The following GLRB variants were observed in gnomAD, a reference collection of about 807,000 sequenced individuals.
GLRB encodes the protein glycine receptor subunit beta.
In GLRB, 33 loss-of-function variants were observed where a neutral mutation model predicts 54.2. That is an observed-to-expected ratio of 0.61 (90% CI 0.46 to 0.81). The LOEUF (loss-of-function observed/expected upper bound fraction) is 0.81, where lower values mean the gene tolerates loss of function less well. Among genes scored for constraint, GLRB ranks in the 40% least tolerant of loss-of-function variants. The pLI is 0.00. For missense variants in GLRB, 572 were observed against 584.6 expected, an observed-to-expected ratio of 0.98 and a Z score of 0.22; for synonymous variants, 209 against 208.2, an observed-to-expected ratio of 1.00 and a Z score of -0.03.
At chr4:157,140,620 C>T (rs994068825) in intron 7 of GLRB, among the ~76,000 whole-genome samples, 1 of 151,908 alleles carries the variant, frequency 6.6e-6, no homozygotes, top group Admixed American at 6.6e-5. Context: ...TTATTATCCT[C>T]ATTGTACACA....
chr4:157,151,611 G>C (rs1283659759), intron 8 of GLRB, among the ~76,000 whole-genome samples: 2 of 151,908 alleles, frequency 1.3e-5, no homozygotes, highest in Admixed American at 1.3e-4. Context: ...TTAGGTTCTT[G>C]AATGCAAAAA....
intron 6 of GLRB, 49 bp downstream of exon 6, chr4:157,136,935 G>C (rs771827425): frequency 8.9e-7 from 1 of 1,121,176 alleles, no homozygotes; most frequent in African/African-American, 1.5e-5. Flanking sequence ...TGTTTAAAAT[G>C]TCTGGGTAAT....
Position 157,118,311 on chromosome 4 carries a change from T to A in GLRB, c.123-2245T>A, listed in dbSNP as rs75769747. On this transcript the variant is annotated intron_variant, in intron 2 of 9. Transcript: ENST00000264428. ...GTAATCAATCAATTCTTTTACTTCC[T>A]TTGAATGAGAAAACTTGTAGATAGG... Among the ~76,000 whole-genome samples the A allele has an allele frequency of 6.1e-3, 931 of 151,826 alleles. 20 individuals are homozygous for A. The East Asian group carries it at 0.1, about 16-fold the overall frequency.
Position 157,171,509 on chromosome 4 carries a change from A to G in GLRB, c.*781A>G, listed in dbSNP as rs555084004. On this transcript the variant is annotated 3_prime_UTR_variant, in exon 10 of 10. Transcript: ENST00000264428. Reference sequence around the variant, plus strand: ...TCATGGATTTCATTTGTTGGTACATATTACACAAAACATTGTGCCTTAAAA... The same window carrying G: ...TCATGGATTTCATTTGTTGGTACATGTTACACAAAACATTGTGCCTTAAAA... 3.9e-5 allele frequency: 6 copies of G among 152,490 alleles called. No individual in the cohort carries two copies. Among genetic ancestry groups the G allele is most frequent in the Admixed American group, 3.9e-4 (6 of 15,266 alleles). 9.4% of individuals were successfully genotyped at this position (152,490 alleles called of 1,614,324 possible).
chr4:157,082,207 C>T (rs2126422197), intron 2 of GLRB, among the ~76,000 whole-genome samples: 1 of 152,282 alleles, frequency 6.6e-6, no homozygotes, highest in Admixed American at 6.5e-5. Flanking sequence ...TTCATAATGA[C>T]CTCAAACTTA....
At chr4:157,116,520 A>T (rs547368342) in intron 2 of GLRB, among the ~76,000 whole-genome samples, 6 of 151,498 alleles carry the variant, frequency 4.0e-5, no homozygotes, top group Admixed American at 3.3e-4. Flanking sequence ...CTCCTTTTTC[A>T]TGTTTATTTT....
intron 2 of GLRB, among the ~76,000 whole-genome samples, chr4:157,105,317 G>A (rs1735183144): frequency 6.6e-6 from 1 of 151,794 alleles, no homozygotes; most frequent in Non-Finnish European, 1.5e-5. Context: ...ATTTCAACAT[G>A]TGTCAACTTT....
chr4:157,155,602 A>T (rs949144067), intron 9 of GLRB, among the ~76,000 whole-genome samples: 1 of 152,158 alleles, frequency 6.6e-6, no homozygotes, highest in African/African-American at 2.4e-5. Context: ...CCTAAAAAGT[A>T]TTGTGTTCAC....
chr4:157,170,118 T>C (rs1737861973), intron 9 of GLRB, among the ~76,000 whole-genome samples: 1 of 152,138 alleles, frequency 6.6e-6, no homozygotes, highest in Non-Finnish European at 1.5e-5. Context: ...GATGTTTATT[T>C]ATTAGTCCTA....
intron 2 of GLRB, among the ~76,000 whole-genome samples, chr4:157,112,323 A>G (rs958004887): frequency 6.6e-6 from 1 of 151,742 alleles, no homozygotes; most frequent in Non-Finnish European, 1.5e-5. Context: ...CATTTTTTTT[A>G]TATCAGAATA....
intron 2 of GLRB, among the ~76,000 whole-genome samples, chr4:157,090,496 A>T (rs1342311645): frequency 6.6e-6 from 1 of 152,180 alleles, no homozygotes; most frequent in African/African-American, 2.4e-5. Context: ...GCAGACATAA[A>T]ATTGAAAAAG....
Position 157,163,521 on chromosome 4 carries a change from C to T in GLRB, c.1198-6911C>T, listed in dbSNP as rs74470417. ...ACCTCTTGGACATTGCTGGCATGTC[C>T]GTTGGGGTGGGGTGGGAGCACATTT... On this transcript the variant is annotated intron_variant, in intron 9 of 9. Transcript: ENST00000264428. Among the ~76,000 whole-genome samples, 115 of 152,164 alleles carry T rather than the reference C, an allele frequency of 7.6e-4. 2 individuals carry two copies. In the East Asian group the frequency reaches 0.014, roughly 18 times the overall value.
chr4:157,077,160 A>T (rs1275799044), intron 1 of GLRB, among the ~76,000 whole-genome samples: 2 of 152,154 alleles, frequency 1.3e-5, no homozygotes, highest in African/African-American at 4.8e-5. Flanking sequence ...GTGTAGGTAG[A>T]GGCTTAATTA....
intron 9 of GLRB, among the ~76,000 whole-genome samples, chr4:157,162,365 T>C (rs1737532422): frequency 6.6e-6 from 1 of 152,218 alleles, no homozygotes; most frequent in Non-Finnish European, 1.5e-5. Context: ...CCATCCAGCT[T>C]TGTTCCGTTG....
At chr4:157,146,094 G>A (rs903055740) in intron 8 of GLRB, among the ~76,000 whole-genome samples, 1 of 151,476 alleles carries the variant, frequency 6.6e-6, no homozygotes, top group African/African-American at 2.4e-5. Context: ...TTGGCTCACT[G>A]CAGCCTCCAC....
chr4:157,078,069 G>T lies in GLRB; in HGVS notation c.45G>T (p.Leu15Phe), dbSNP rs775265167. ...LTTAFLILIS[L>F]WVEEAYSKEK... Reference sequence around the variant, plus strand: ...CTGCCTTTTTAATTTTAATTTCCTTGTGGGTGGAAGAAGCCTATTCTAAGG... The same window carrying T: ...CTGCCTTTTTAATTTTAATTTCCTTTTGGGTGGAAGAAGCCTATTCTAAGG... The change falls in exon 2 of 10, where the codon TTG becomes TTT. Residue 15 changes from leucine (L) to phenylalanine (F), a missense_variant. By Grantham distance (22) the Leu-to-Phe change is conservative. Transcript: ENST00000264428. The T allele has an allele frequency of 6.2e-7, 1 of 1,611,062 alleles. No homozygotes were observed. Among genetic ancestry groups the T allele is most frequent in the South Asian group, 1.1e-5 (1 of 91,004 alleles).
chr4:157,109,637 G>C (rs545668008), intron 2 of GLRB, among the ~76,000 whole-genome samples: 12 of 152,022 alleles, frequency 7.9e-5, no homozygotes, highest in Admixed American at 2.0e-4. Context: ...AGTCCAAGAA[G>C]ACTGCCCCAC....
chr4:157,118,163 A>C (rs1034525420), intron 2 of GLRB, among the ~76,000 whole-genome samples: 2 of 151,666 alleles, frequency 1.3e-5, no homozygotes, highest in Non-Finnish European at 3.0e-5. Context: ...TAAACTACAA[A>C]ATTTAGTGTT....
At chr4:157,121,952 A>T (rs1735838567) in intron 3 of GLRB, among the ~76,000 whole-genome samples, 1 of 151,600 alleles carries the variant, frequency 6.6e-6, no homozygotes, top group Non-Finnish European at 1.5e-5. Flanking sequence ...AAATGCAAAA[A>T]AATGAAACCC....
Sources: gnomAD v4.1 joint callset for allele counts (sites outside exome capture counted in the v4.1 genomes callset) on GRCh38, gnomAD v4.1.1 for gene constraint, MANE v1.5 for transcripts, NCBI Gene and HGNC (gene_info 2026-07-23, HGNC 2026-07-21) for gene names.